TMEM131: variants seen among roughly 807,000 people sequenced by gnomAD.
TMEM131 encodes the protein 2610524E03Rik.
In TMEM131, 66 loss-of-function variants were observed where a neutral mutation model predicts 211.6. That is an observed-to-expected ratio of 0.31 (90% CI 0.26 to 0.38). The LOEUF is 0.38. Ranked by LOEUF, TMEM131 falls within the 10% of genes least tolerant of loss-of-function variation. The pLI, the probability that TMEM131 is intolerant of heterozygous loss-of-function variation, is 1.00. For synonymous variants in TMEM131, 844 were observed against 841.3 expected (o/e 1.00, Z -0.06); for missense variants, 2,036 against 2,299.3 (o/e 0.89, Z 2.34).
At chr2:97,964,617 C>G (rs1460811972) in intron 1 of TMEM131, among the ~76,000 whole-genome samples, 2 of 152,138 alleles carry the variant, frequency 1.3e-5, no homozygotes, top group African/African-American at 4.8e-5. Context: ...AAGATTTTTC[C>G]TTAAACCACC....
At chr2:97,897,801 C>G (rs1450773829) in intron 3 of TMEM131, among the ~76,000 whole-genome samples, 1 of 152,212 alleles carries the variant, frequency 6.6e-6, no homozygotes, top group East Asian at 1.9e-4. Flanking sequence ...TAATTTTTCA[C>G]TAGGTGTCTG....
intron 34 of TMEM131, 89 bp downstream of exon 34, chr2:97,766,389 C>T: frequency 6.2e-7 from 1 of 1,601,512 alleles, no homozygotes; most frequent in Non-Finnish European, 8.5e-7. Flanking sequence ...TAACTACTGA[C>T]TGCTTACTGA....
intron 2 of TMEM131, among the ~76,000 whole-genome samples, chr2:97,919,472 C>T (rs1383298722): frequency 2.0e-5 from 3 of 152,142 alleles, no homozygotes; most frequent in Non-Finnish European, 4.4e-5. Context: ...ATTTTTGCCT[C>T]TCATTGTTTC....
chr2:97,995,422 C>A, intron 1 of TMEM131, 54 bp downstream of exon 1: 1 of 1,311,146 alleles, frequency 7.6e-7, no homozygotes, highest in South Asian at 2.1e-5. Context: ...CTCCCGGCCT[C>A]CGCGAGAGCG....
At chr2:97,930,338 T>C (rs1677167290) in intron 1 of TMEM131, among the ~76,000 whole-genome samples, 1 of 151,828 alleles carries the variant, frequency 6.6e-6, no homozygotes, top group Non-Finnish European at 1.5e-5. Context: ...CTGATCTAAC[T>C]GAAGAGAACT....
At chr2:97,968,812 C>G (rs546882594) in intron 1 of TMEM131, among the ~76,000 whole-genome samples, 2 of 152,164 alleles carry the variant, frequency 1.3e-5, no homozygotes, top group Non-Finnish European at 2.9e-5. Flanking sequence ...GGCAGGCGCA[C>G]TGGTTCTTGC....
At chr2:97,971,087 CAAATA>C (rs2104601886) in intron 1 of TMEM131, among the ~76,000 whole-genome samples, 2 of 152,258 alleles carry the variant, frequency 1.3e-5, no homozygotes, top group South Asian at 4.1e-4. Context: ...AGATGGGAGT[CAAATA>C]CAATATGAAG....
intron 1 of TMEM131, among the ~76,000 whole-genome samples, chr2:97,965,473 A>G (rs1053000186): frequency 6.6e-6 from 1 of 152,102 alleles, no homozygotes; most frequent in African/African-American, 2.4e-5. Flanking sequence ...GACTCGGGGT[A>G]CCCGCCAGGT....
intron 12 of TMEM131, among the ~76,000 whole-genome samples, chr2:97,817,381 A>T (rs1681880447): frequency 6.6e-6 from 1 of 152,166 alleles, no homozygotes; most frequent in South Asian, 2.1e-4. Context: ...TGAGGTCAGG[A>T]GTTTGAGACC....
At chr2:97,872,304 T>C (rs1674521607) in intron 4 of TMEM131, among the ~76,000 whole-genome samples, 1 of 152,100 alleles carries the variant, frequency 6.6e-6, no homozygotes, top group Non-Finnish European at 1.5e-5. Context: ...AACTCCATTT[T>C]TGATATTCAA....
intron 1 of TMEM131, among the ~76,000 whole-genome samples, chr2:97,935,285 G>T (rs1298396086): frequency 6.6e-6 from 1 of 152,122 alleles, no homozygotes; most frequent in Non-Finnish European, 1.5e-5. Context: ...CCTATCAAAA[G>T]ATCAACATCC....
Position 97,783,216 on chromosome 2 carries a change from A to G in TMEM131, c.4145-7198T>C, listed in dbSNP as rs1010202691. Among the ~76,000 whole-genome samples, 8 of 152,262 alleles carry G rather than the reference A, an allele frequency of 5.3e-5. No homozygotes were observed. In the South Asian group the frequency reaches 1.7e-3, roughly 32 times the overall value. ...GTGTCATTCCAGAATCCTATACTCA[A>G]ATGAAAATATCCTTCAGGAATATTC... is the stretch of plus-strand genomic sequence containing the variant. On this transcript the variant is annotated intron_variant, in intron 31 of 40. Transcript: ENST00000186436.
chr2:97,929,371 G>A (rs1247265050), intron 1 of TMEM131, among the ~76,000 whole-genome samples: 1 of 151,650 alleles, frequency 6.6e-6, no homozygotes, highest in Non-Finnish European at 1.5e-5. Flanking sequence ...TGGGAGAAAA[G>A]GGACAACTTT....
At chr2:97,843,039 G>A (rs1423102316) in intron 6 of TMEM131, among the ~76,000 whole-genome samples, 3 of 147,942 alleles carry the variant, frequency 2.0e-5, no homozygotes, top group African/African-American at 7.5e-5. Flanking sequence ...ATATGTCAGA[G>A]TTAATGGGTA....
rs1678500246 is a variant in TMEM131, at chr2:97,756,670, T to A, written c.*429A>T. The A allele has an allele frequency of 6.5e-6, 1 of 153,592 alleles. No individual in the cohort carries two copies. The highest frequency in any genetic ancestry group is 2.1e-4 in the South Asian group (1 of 4,860). The allele number at this position is 153,592 out of a possible 1,614,324, so 9.5% of individuals were successfully genotyped here. A position where few individuals can be genotyped will look rare whatever the true frequency, so the allele number is the denominator to read the frequency against. ...AAAATTAGATCTTGGCGCATAATAT[T>A]GAGAAATTATTAAAAACCAAACTTG... On this transcript the variant is annotated 3_prime_UTR_variant, in exon 41 of 41. Coordinates refer to ENST00000186436, the MANE Select transcript of TMEM131 (RefSeq NM_015348.2).
At chr2:97,956,024 A>T (rs2104550115) in intron 1 of TMEM131, among the ~76,000 whole-genome samples, 1 of 152,342 alleles carries the variant, frequency 6.6e-6, no homozygotes, top group South Asian at 2.1e-4. Context: ...TAAAATAGTC[A>T]AAACAATCTT....
In TMEM131 at chr2:97,847,670, T is replaced by C. The variant is rs866464121; in HGVS notation, c.484-3409A>G. On this transcript the variant is annotated intron_variant, in intron 5 of 40. Transcript: ENST00000186436. ...AAGGAGAAGTAACAACTAAATGCAA[T>C]AGGAAATAGGATCCTAAAACAGAAA... Among the ~76,000 whole-genome samples the C allele has an allele frequency of 5.3e-5, 8 of 152,148 alleles. No individual in the cohort carries two copies. In the South Asian group the frequency reaches 6.2e-4, roughly 12 times the overall value.
At chr2:97,809,313 C>T (rs112176021) in intron 19 of TMEM131, among the ~76,000 whole-genome samples, 3 of 152,314 alleles carry the variant, frequency 2.0e-5, no homozygotes, top group Non-Finnish European at 2.9e-5. Flanking sequence ...GTTGAGCTTG[C>T]GCCCTGGCCC....
At chr2:97,878,838 A>C (rs1674802970) in intron 4 of TMEM131, among the ~76,000 whole-genome samples, 1 of 152,206 alleles carries the variant, frequency 6.6e-6, no homozygotes. Flanking sequence ...CCAGAACTTA[A>C]AGTATAATAA....
Sources: allele counts gnomAD v4.1 joint callset (sites outside exome capture counted in the v4.1 genomes callset), GRCh38; gene constraint gnomAD v4.1.1; transcripts MANE v1.5; gene names NCBI Gene and HGNC (gene_info 2026-07-23, HGNC 2026-07-21).